MYT1L: variants seen among roughly 807,000 people sequenced by gnomAD.
MYT1L encodes the protein myelin transcription factor 1 like.
A neutral mutation model predicts 126.7 loss-of-function variants in MYT1L; 12 were observed. The ratio of observed to expected loss-of-function variants is 0.09; its 90% CI spans 0.06 to 0.15. The LOEUF (loss-of-function observed/expected upper bound fraction) is 0.15. Among genes scored for constraint, MYT1L ranks in the 10% least tolerant of loss-of-function variants. The probability of loss-of-function intolerance (pLI) is 1.00; values close to 1 mark genes in which losing one functional copy is unlikely to be tolerated. For synonymous variants in MYT1L, 541 were observed against 604.2 expected, an observed-to-expected ratio of 0.90 and a Z score of 1.53; for missense variants, 979 against 1,585.2, an observed-to-expected ratio of 0.62 and a Z score of 6.49.
At chr2:2,203,565 A>G (rs981021309) in intron 2 of MYT1L, among the ~76,000 whole-genome samples, 4 of 151,698 alleles carry the variant, frequency 2.6e-5, no homozygotes, top group African/African-American at 9.7e-5. Context: ...GATGTGAAGG[A>G]CCTCTTCAAG....
chr2:2,247,303 A>G (rs2094552958), intron 2 of MYT1L, among the ~76,000 whole-genome samples: 1 of 152,228 alleles, frequency 6.6e-6, no homozygotes, highest in African/African-American at 2.4e-5. Context: ...TTATGTAATG[A>G]TAAAGGGGTC....
chr2:1,969,096 C>T (rs985053479), intron 8 of MYT1L, among the ~76,000 whole-genome samples: 26 of 152,344 alleles, frequency 1.7e-4, no homozygotes, highest in East Asian at 7.7e-4. Flanking sequence ...CATCAGTCCA[C>T]GGTATGAACA....
At chr2:1,809,222 C>T in intron 21 of MYT1L, 55 bp from the exon 22 acceptor site, 1 of 1,542,476 alleles carries the variant, frequency 6.5e-7, no homozygotes, top group Non-Finnish European at 9.0e-7. Flanking sequence ...CCCAGCCCTG[C>T]AGGGAAGTGG....
intron 4 of MYT1L, among the ~76,000 whole-genome samples, chr2:2,017,492 T>C (rs2064546519): frequency 6.6e-6 from 1 of 152,208 alleles, no homozygotes; most frequent in African/African-American, 2.4e-5. Context: ...TCCCCCTTCA[T>C]ACTGCGAAGG....
intron 8 of MYT1L, among the ~76,000 whole-genome samples, chr2:1,959,733 T>C (rs2058804008): frequency 6.6e-6 from 1 of 152,154 alleles, no homozygotes; most frequent in African/African-American, 2.4e-5. Context: ...ACATTTGTGC[T>C]CAGATAGAGA....
intron 5 of MYT1L, among the ~76,000 whole-genome samples, chr2:1,989,425 G>C (rs1490915586): frequency 6.6e-6 from 1 of 152,122 alleles, no homozygotes; most frequent in Non-Finnish European, 1.5e-5. Context: ...AGAAGCGAGA[G>C]TGCACCCTAC....
At chr2:1,839,667 A>C (rs2041389454) in intron 20 of MYT1L, among the ~76,000 whole-genome samples, 1 of 152,250 alleles carries the variant, frequency 6.6e-6, no homozygotes, top group East Asian at 1.9e-4. Flanking sequence ...AAGACCACGC[A>C]GGCACATGCA....
chr2:1,950,788 G>T (rs1435453328), intron 8 of MYT1L, among the ~76,000 whole-genome samples: 1 of 152,202 alleles, frequency 6.6e-6, no homozygotes, highest in African/African-American at 2.4e-5. Context: ...TCCGGACAGT[G>T]TAGACAGTGG....
intron 8 of MYT1L, among the ~76,000 whole-genome samples, chr2:1,946,869 C>T (rs950013585): frequency 1.3e-5 from 2 of 152,304 alleles, no homozygotes; most frequent in East Asian, 1.9e-4. Context: ...CCAACCTCCT[C>T]GCAGGGCCAC....
intron 1 of MYT1L, among the ~76,000 whole-genome samples, chr2:2,299,136 G>GC (rs2149515138): frequency 6.6e-6 from 1 of 152,290 alleles, no homozygotes; most frequent in African/African-American, 2.4e-5. Flanking sequence ...ACAGGCGTGA[G>GC]CCACCGAGCC....
At chr2:1,868,760 C>G (rs1307274827) in intron 18 of MYT1L, among the ~76,000 whole-genome samples, 2 of 152,202 alleles carry the variant, frequency 1.3e-5, no homozygotes, top group Non-Finnish European at 2.9e-5. Context: ...GGTTGCTAGG[C>G]TCCCTCCTCC....
intron 3 of MYT1L, among the ~76,000 whole-genome samples, chr2:2,162,437 C>T (rs985045214): frequency 2.0e-5 from 3 of 152,132 alleles, no homozygotes; most frequent in African/African-American, 7.2e-5. Flanking sequence ...TCGTGGTCCA[C>T]AGCAGCTGAG....
chr2:1,936,767 C>T (rs1445112387), intron 9 of MYT1L, among the ~76,000 whole-genome samples: 2 of 152,120 alleles, frequency 1.3e-5, no homozygotes, highest in South Asian at 2.1e-4. Context: ...AGAATGGTGT[C>T]CTGCAGGGAA....
chr2:1,875,475 C>T (rs574355112), intron 18 of MYT1L, among the ~76,000 whole-genome samples: 6 of 152,330 alleles, frequency 3.9e-5, no homozygotes, highest in South Asian at 2.1e-4. Context: ...AGATTCCTTA[C>T]GCTCTCTTCA....
intron 2 of MYT1L, among the ~76,000 whole-genome samples, chr2:2,194,150 G>A (rs2092705036): frequency 6.6e-6 from 1 of 151,956 alleles, no homozygotes; most frequent in South Asian, 2.1e-4. Context: ...TGTGGTCATG[G>A]CTCGCTGCAG....
At chr2:2,104,799 G>A (rs1291633984) in intron 3 of MYT1L, among the ~76,000 whole-genome samples, 1 of 152,312 alleles carries the variant, frequency 6.6e-6, no homozygotes, top group East Asian at 1.9e-4. Flanking sequence ...CATGGTTGGG[G>A]GAGGGCAGGA....
intron 4 of MYT1L, among the ~76,000 whole-genome samples, chr2:2,041,884 T>C (rs923145317): frequency 6.6e-6 from 1 of 152,238 alleles, no homozygotes; most frequent in Non-Finnish European, 1.5e-5. Flanking sequence ...AGTTTCTTCC[T>C]TCCAGTGAGA....
chr2:1,792,519 G>A (rs2032314274), intron 23 of MYT1L, 55 bp from the exon 24 acceptor site: 4 of 1,560,596 alleles, frequency 2.6e-6, no homozygotes, highest in Non-Finnish European at 3.5e-6. Flanking sequence ...AGGAGCGCGT[G>A]GTCGTTGCCG....
At chr2:2,115,446 A>G (rs375163199) in intron 3 of MYT1L, among the ~76,000 whole-genome samples, 1 of 152,246 alleles carries the variant, frequency 6.6e-6, no homozygotes, top group Admixed American at 6.5e-5. Context: ...AATCCATGAG[A>G]CAGTGACAGG....
Sources: allele counts gnomAD v4.1 joint callset (sites outside exome capture counted in the v4.1 genomes callset), GRCh38; gene constraint gnomAD v4.1.1; transcripts MANE v1.5; gene names NCBI Gene and HGNC (gene_info 2026-07-23, HGNC 2026-07-21).